Variants in PLEKHM3 observed in about 807,000 individuals in gnomAD.
The protein encoded by PLEKHM3 is pleckstrin homology domain-containing family M member 3.
A neutral mutation model predicts 81.8 loss-of-function variants in PLEKHM3; 45 were observed. The ratio of observed to expected loss-of-function variants is 0.55; its 90% CI spans 0.43 to 0.71. PLEKHM3 has a LOEUF of 0.71. PLEKHM3 is among the 30% of genes least tolerant of loss of function. The pLI is 0.00. For missense variants in PLEKHM3, 788 were observed against 924.3 expected (o/e 0.85, Z 1.91); for synonymous variants, 352 against 356.4 (o/e 0.99, Z 0.14).
chr2:207,853,550 A>G (rs557617280), intron 7 of PLEKHM3, among the ~76,000 whole-genome samples: 4 of 152,020 alleles, frequency 2.6e-5, no homozygotes, highest in African/African-American at 9.6e-5. Flanking sequence ...CCTGGCCAAC[A>G]TGGTGAAACT....
At chr2:207,988,781 CCTGGCCTCTGGCTATTGCT>C (rs1350685246) in intron 2 of PLEKHM3, among the ~76,000 whole-genome samples, 2 of 152,186 alleles carry the variant, frequency 1.3e-5, no homozygotes, top group Non-Finnish European at 2.9e-5. Flanking sequence ...GTCCACATGA[CCTGGCCTCTGGCTATTGCT>C]CTGGCCTCAT....
chr2:207,865,141 A>T (rs1352104497), intron 6 of PLEKHM3, among the ~76,000 whole-genome samples: 2 of 152,204 alleles, frequency 1.3e-5, no homozygotes, highest in African/African-American at 4.8e-5. Flanking sequence ...TAATAATGGT[A>T]CTAGTGGTTA....
intron 6 of PLEKHM3, among the ~76,000 whole-genome samples, chr2:207,867,455 C>G (rs1027489733): frequency 6.6e-6 from 1 of 152,020 alleles, no homozygotes; most frequent in African/African-American, 2.4e-5. Context: ...TTATAATTTT[C>G]CAGGGGTAAA....
chr2:207,941,897 A>C (rs924008502), intron 4 of PLEKHM3, among the ~76,000 whole-genome samples: 8 of 152,234 alleles, frequency 5.3e-5, no homozygotes, highest in African/African-American at 1.4e-4. Context: ...GGGAAATGCA[A>C]ATCAAAACCA....
In PLEKHM3 at chr2:207,851,134, GGAGA is replaced by G. The variant is rs1235271565; in HGVS notation, c.2108+9967_2108+9970del. On this transcript the variant is annotated intron_variant, in intron 7 of 7. Coordinates refer to ENST00000427836, the MANE Select transcript of PLEKHM3 (RefSeq NM_001080475.3). ...CGCCACTGCACTCCAGCCTGGTGAC[GGAGA>G]GAGAGACTCCGTCTCAAAAAAAAAA... The G allele has an allele frequency of 3.7e-5, 5 of 133,418 alleles. No homozygotes were observed. The South Asian group carries it at 9.8e-4, about 26-fold the overall frequency. The allele number at this position is 133,418 out of a possible 1,614,324, so 8.3% of individuals were successfully genotyped here.
chr2:207,862,071 G>A (rs1014624110), intron 6 of PLEKHM3, among the ~76,000 whole-genome samples: 8 of 152,158 alleles, frequency 5.3e-5, no homozygotes, highest in Admixed American at 5.2e-4. Context: ...CCTCACCTGT[G>A]GGCTTGCATA....
rs531202536 is a variant in PLEKHM3, at chr2:207,878,443, T to C, written c.1951-17181A>G. On this transcript the variant is annotated intron_variant, in intron 6 of 7. Coordinates refer to ENST00000427836, the MANE Select transcript of PLEKHM3 (RefSeq NM_001080475.3). Reference sequence around the variant, plus strand: ...GACCAACATGGAGAAATCCCGTCTCTACTAAAAATACAAAATTAGCCAGGC... The same window carrying C: ...GACCAACATGGAGAAATCCCGTCTCCACTAAAAATACAAAATTAGCCAGGC... 2.6e-5 allele frequency among the ~76,000 whole-genome samples: 4 copies of C among 152,268 alleles called. No homozygotes were observed. The South Asian group carries it at 6.2e-4, about 24-fold the overall frequency.
intron 1 of PLEKHM3, among the ~76,000 whole-genome samples, chr2:208,023,863 T>G (rs776644567): frequency 1.1e-5 from 1 of 94,572 alleles, no homozygotes; most frequent in Non-Finnish European, 3.1e-5. Context: ...TATTTTTATT[T>G]TATATATTTA....
intron 7 of PLEKHM3, among the ~76,000 whole-genome samples, chr2:207,840,129 T>C (rs1054355842): frequency 6.6e-6 from 1 of 152,202 alleles, no homozygotes; most frequent in Non-Finnish European, 1.5e-5. Context: ...ATATAATATA[T>C]TTAAAACAAA....
chr2:207,904,543 A>G (rs1302415446), intron 6 of PLEKHM3, among the ~76,000 whole-genome samples: 2 of 152,230 alleles, frequency 1.3e-5, no homozygotes, highest in Non-Finnish European at 2.9e-5. Flanking sequence ...TGGTCAAACA[A>G]ACAGACAATT....
intron 1 of PLEKHM3, among the ~76,000 whole-genome samples, chr2:208,021,964 T>C (rs1008278894): frequency 2.0e-5 from 3 of 152,236 alleles, no homozygotes; most frequent in African/African-American, 7.2e-5. Context: ...GGTTATTACA[T>C]ATGTTTTTTC....
intron 6 of PLEKHM3, among the ~76,000 whole-genome samples, chr2:207,884,039 C>T (rs1687797620): frequency 1.3e-5 from 2 of 152,096 alleles, no homozygotes; most frequent in South Asian, 4.2e-4. Context: ...TGGCTCACGC[C>T]TGTAATCGCA....
intron 1 of PLEKHM3, among the ~76,000 whole-genome samples, chr2:208,016,668 A>ATACACACACACACACACAC (rs11436592): frequency 0.028 from 1,736 of 61,588 alleles, 36 homozygotes; most frequent in Non-Finnish European, 0.041. Flanking sequence ...AAAAAAAAAA[A>ATACACACACACACACACAC]ATACACACAC....
chr2:207,868,402 C>T (rs978723266), intron 6 of PLEKHM3, among the ~76,000 whole-genome samples: 52 of 151,952 alleles, frequency 3.4e-4, no homozygotes, highest in Admixed American at 2.6e-3. Context: ...CTTTCCATAC[C>T]CCATCATAAC....
At position 207,839,109 on chromosome 2, in the gene PLEKHM3, T is replaced by TA. The variant is rs199600382; in HGVS notation, c.2109-10614dup. Among the ~76,000 whole-genome samples, 738 of 152,218 alleles carry TA rather than the reference T, an allele frequency of 4.8e-3. 6 individuals are homozygous for TA. Among genetic ancestry groups the TA allele is most frequent in the African/African-American group, 0.016 (649 of 41,522 alleles). ...TGCCAAGTTTTTGAAGTAAGCCTTT[T>TA]AAAAAGAAATAATAATGTAACAGGA... On this transcript the variant is annotated intron_variant, in intron 7 of 7. Transcript: ENST00000427836.
intron 6 of PLEKHM3, among the ~76,000 whole-genome samples, chr2:207,894,636 T>C (rs910743561): frequency 6.6e-6 from 1 of 152,184 alleles, no homozygotes; most frequent in African/African-American, 2.4e-5. Flanking sequence ...AAATAGAGAA[T>C]GTGAGTGCTG....
chr2:207,925,158 T>TTC (rs1652926446), intron 5 of PLEKHM3, among the ~76,000 whole-genome samples: 1 of 151,534 alleles, frequency 6.6e-6, no homozygotes, highest in African/African-American at 2.4e-5. Flanking sequence ...TTTTTTTTTT[T>TTC]TAGTGAGAGG....
rs892119252 is a variant in PLEKHM3 at position 207,836,365 on chromosome 2, T to C, written c.2109-7869A>G. On this transcript the variant is annotated intron_variant, in intron 7 of 7. Transcript: ENST00000427836. ...CCATGGAATGAGACTATATATTTTA[T>C]GAACAGTCTTTGACCCAAACATTAG... is the stretch of plus-strand genomic sequence containing the variant. Among the ~76,000 whole-genome samples the C allele has an allele frequency of 1.5e-4, 22 of 150,496 alleles. 1 individual carries two copies.
intron 6 of PLEKHM3, among the ~76,000 whole-genome samples, chr2:207,885,877 T>C (rs1257926026): frequency 6.6e-6 from 1 of 152,142 alleles, no homozygotes; most frequent in Non-Finnish European, 1.5e-5. Flanking sequence ...CTGAAGAAAA[T>C]GCTTGAGTAC....
Sources: allele counts gnomAD v4.1 joint callset (sites outside exome capture counted in the v4.1 genomes callset), GRCh38; gene constraint gnomAD v4.1.1; transcripts MANE v1.5; gene names NCBI Gene and HGNC (gene_info 2026-07-23, HGNC 2026-07-21).